The following SPOPL variants were observed in gnomAD, a reference collection of about 807,000 sequenced individuals.
SPOPL encodes speckle type BTB/POZ protein like.
SPOPL carries 23 observed loss-of-function variants against 53.8 expected under a neutral mutation model. That is an observed-to-expected ratio of 0.43 (90% CI 0.31 to 0.61). SPOPL has a LOEUF of 0.61. Ranked by LOEUF, SPOPL falls within the 20% of genes least tolerant of loss-of-function variation. The probability of loss-of-function intolerance (pLI) is 0.12; values close to 1 mark genes in which losing one functional copy is unlikely to be tolerated. For synonymous variants in SPOPL, 164 were observed against 149.7 expected, an observed-to-expected ratio of 1.10 and a Z score of -0.70; for missense variants, 442 against 466.9, an observed-to-expected ratio of 0.95 and a Z score of 0.49.
intron 1 of SPOPL, among the ~76,000 whole-genome samples, chr2:138,528,440 G>A (rs777538275): frequency 7.9e-5 from 12 of 152,230 alleles, no homozygotes; most frequent in Non-Finnish European, 1.3e-4. Context: ...AAAAATGTCT[G>A]ATGTACCAGT....
At chr2:138,550,645 T>G in intron 3 of SPOPL, 41 bp downstream of exon 3, 1 of 1,578,692 alleles carries the variant, frequency 6.3e-7, no homozygotes, top group East Asian at 2.3e-5. Flanking sequence ...TTTTTGTTTT[T>G]GATGTGATCA....
intron 8 of SPOPL, among the ~76,000 whole-genome samples, chr2:138,563,225 C>T (rs1685589308): frequency 6.6e-6 from 1 of 152,140 alleles, no homozygotes; most frequent in Admixed American, 6.5e-5. Context: ...CACCTGTAAT[C>T]CCAACACGTT....
At chr2:138,543,843 GT>G (rs2104885576) in intron 1 of SPOPL, among the ~76,000 whole-genome samples, 2 of 152,230 alleles carry the variant, frequency 1.3e-5, no homozygotes, top group South Asian at 4.2e-4. Context: ...TTTCTGCTCT[GT>G]TTTTTCCCCA....
At chr2:138,564,609 T>C (rs770772321) in intron 8 of SPOPL, 99 bp from the exon 9 acceptor site, 77 of 1,256,324 alleles carry the variant, frequency 6.1e-5, no homozygotes, top group Non-Finnish European at 8.3e-5. Context: ...TCTTAAATAA[T>C]AATCTATTTT....
chr2:138,557,355 G>A (rs373581828), intron 5 of SPOPL, among the ~76,000 whole-genome samples: 37 of 152,114 alleles, frequency 2.4e-4, no homozygotes, highest in African/African-American at 7.2e-4. Context: ...GGGCAAAAGC[G>A]GTTAATAAAA....
At chr2:138,518,154 A>G (rs1684485866) in intron 1 of SPOPL, among the ~76,000 whole-genome samples, 1 of 152,068 alleles carries the variant, frequency 6.6e-6, no homozygotes, top group African/African-American at 2.4e-5. Context: ...TGTTAAAAAA[A>G]AAAGAAAGAA....
At position 138,502,755 on chromosome 2, in the gene SPOPL, G is replaced by A. The variant is rs531280237; in HGVS notation, c.-61+636G>A. On this transcript the variant is annotated intron_variant, in intron 1 of 10. Transcript: ENST00000280098. ...GGTTCGGGGTCCAAGTCTTCAAAGA[G>A]CCCACTTGTATTCCTGCTGCTCTCC... Among the ~76,000 whole-genome samples, 15 of 152,238 alleles carry A rather than the reference G, an allele frequency of 9.9e-5. No individual in the cohort carries two copies. In the South Asian group the frequency reaches 3.1e-3, roughly 32 times the overall value.
chr2:138,510,896 A>G (rs530992459), intron 1 of SPOPL, among the ~76,000 whole-genome samples: 1 of 152,322 alleles, frequency 6.6e-6, no homozygotes, highest in South Asian at 2.1e-4. Flanking sequence ...CCAAATGTCT[A>G]AGTGAATTTA....
rs147299309 is a variant in SPOPL at position 138,568,976 on chromosome 2, A to G, written c.1075A>G (p.Met359Val). 6 of 1,613,986 alleles carry G rather than the reference A, an allele frequency of 3.7e-6. No individual in the cohort carries two copies. The highest frequency in any genetic ancestry group is 2.7e-5 in the African/African-American group (2 of 74,932). Residue 359 changes from methionine (M) to valine (V), a missense_variant, in exon 11 of 11, where the codon ATG (methionine) becomes GTG (valine). Met to Val is a conservative substitution (Grantham distance 21). Transcript: ENST00000280098. ...DIMETSGWKSMIQSHPHLVAE... is the reference protein window; with the variant it reads ...DIMETSGWKSVIQSHPHLVAE... ...AATGGAAACATCAGGGTGGAAGTCC[A>G]TGATTCAGTCTCACCCTCATTTAGT...
Position 138,517,725 on chromosome 2 carries a change from C to T in SPOPL, c.-61+15606C>T, listed in dbSNP as rs187199635. Among the ~76,000 whole-genome samples the T allele has an allele frequency of 5.5e-3, 747 of 136,294 alleles. 2 individuals carry two copies. The highest frequency in any genetic ancestry group is 0.016 in the Middle Eastern group (3 of 188). 89.4% of individuals were successfully genotyped at this position (136,294 alleles called of 152,430 possible). A position where few individuals can be genotyped will look rare whatever the true frequency, so the allele number is the denominator to read the frequency against. ...CTGCACTCCAGCCTGGGTGACAGAG[C>T]GAGACTCCGTCTCAAAAAAAAAAAA... On this transcript the variant is annotated intron_variant, in intron 1 of 10. Coordinates refer to ENST00000280098, the MANE Select transcript of SPOPL (RefSeq NM_001001664.3).
chr2:138,572,323 A>C lies in SPOPL; in HGVS notation c.*3243A>C, dbSNP rs1465423042. ...AAGATCTCAAAAAGTTGTCATGAAC[A>C]TTATTCATTTATTTTTAAACTGGAT... On this transcript the variant is annotated 3_prime_UTR_variant, in exon 11 of 11. Coordinates refer to ENST00000280098, the MANE Select transcript of SPOPL (RefSeq NM_001001664.3). 1 of 152,616 alleles carries C rather than the reference A, an allele frequency of 6.6e-6. No individual in the cohort carries two copies. Among genetic ancestry groups the C allele is most frequent in the Non-Finnish European group, 1.5e-5 (1 of 68,024 alleles). 9.5% of individuals were successfully genotyped at this position (152,616 alleles called of 1,614,324 possible).
At chr2:138,521,220 A>C (rs1684549256) in intron 1 of SPOPL, among the ~76,000 whole-genome samples, 1 of 152,218 alleles carries the variant, frequency 6.6e-6, no homozygotes, top group Non-Finnish European at 1.5e-5. Context: ...GTATTAACTT[A>C]TGGTGGAACT....
intron 1 of SPOPL, among the ~76,000 whole-genome samples, chr2:138,505,946 A>G (rs1017998961): frequency 1.3e-5 from 2 of 152,146 alleles, no homozygotes; most frequent in Non-Finnish European, 2.9e-5. Context: ...AACTTTCTGG[A>G]CCTGGAAGGT....
chr2:138,565,607 A>T (rs1370725370), intron 10 of SPOPL, among the ~76,000 whole-genome samples: 1 of 151,922 alleles, frequency 6.6e-6, no homozygotes, highest in African/African-American at 2.4e-5. Flanking sequence ...CTTTGTTATT[A>T]TTTGAAATCA....
chr2:138,530,569 C>T (rs1266884145), intron 1 of SPOPL, among the ~76,000 whole-genome samples: 3 of 152,058 alleles, frequency 2.0e-5, no homozygotes, highest in Non-Finnish European at 4.4e-5. Flanking sequence ...AAGATGGCAT[C>T]CTTCATTAGA....
chr2:138,538,315 A>G (rs924931293), intron 1 of SPOPL, among the ~76,000 whole-genome samples: 14 of 152,074 alleles, frequency 9.2e-5, no homozygotes, highest in Non-Finnish European at 1.3e-4. Flanking sequence ...GTCTCCAGCT[A>G]TTATTGTAGA....
In SPOPL at chr2:138,552,548, C is replaced by T. The variant is rs1244589969; in HGVS notation, c.353-6C>T. On this transcript the variant is annotated splice_region_variant and splice_polypyrimidine_tract_variant and intron_variant, in intron 4 of 10. Transcript: ENST00000280098. ...TTTATTTAAACTCTATTCTGTTTTC[C>T]ACCAGAAAGCCAAAGAGCATATCGA... 2 of 1,600,980 alleles carry T rather than the reference C, an allele frequency of 1.2e-6. No homozygotes were observed. Among genetic ancestry groups the T allele is most frequent in the East Asian group, 2.2e-5 (1 of 44,556 alleles).
In SPOPL at chr2:138,573,175, T is replaced by C. The variant is rs1209481814; in HGVS notation, c.*4095T>C. ...AATACATGTATCTTGTTGCTGAAAA[T>C]ATTTTTTGCATTTCAACACATTGAG... is the stretch of plus-strand genomic sequence containing the variant. On this transcript the variant is annotated 3_prime_UTR_variant, in exon 11 of 11. Coordinates refer to ENST00000280098, the MANE Select transcript of SPOPL (RefSeq NM_001001664.3). The C allele has an allele frequency of 6.6e-6, 1 of 152,104 alleles. No individual in the cohort carries two copies. The highest frequency in any genetic ancestry group is 1.5e-5 in the Non-Finnish European group (1 of 68,008). 9.4% of individuals were successfully genotyped at this position (152,104 alleles called of 1,614,324 possible). A position where few individuals can be genotyped will look rare whatever the true frequency, so the allele number is the denominator to read the frequency against.
At chr2:138,547,298 A>G (rs1436095169) in intron 1 of SPOPL, among the ~76,000 whole-genome samples, 9 of 152,168 alleles carry the variant, frequency 5.9e-5, no homozygotes, top group Non-Finnish European at 8.8e-5. Flanking sequence ...TTACATTTGA[A>G]GTGTATATGA....
Sources: allele counts gnomAD v4.1 joint callset (sites outside exome capture counted in the v4.1 genomes callset), GRCh38; gene constraint gnomAD v4.1.1; transcripts MANE v1.5; gene names NCBI Gene and HGNC (gene_info 2026-07-23, HGNC 2026-07-21).